PRELID2: variants seen among roughly 807,000 people sequenced by gnomAD.
PRELID2 encodes PRELI domain containing 2, also known as PRELI domain-containing protein 2.
PRELID2 carries 25 observed loss-of-function variants against 28.4 expected under a neutral mutation model. The observed-to-expected ratio is 0.88, with a 90% confidence interval of 0.64 to 1.23. The LOEUF (loss-of-function observed/expected upper bound fraction) is 1.23, where lower values mean the gene tolerates loss of function less well. Among genes scored for constraint, PRELID2 ranks in the 50% most tolerant of loss-of-function variants. PRELID2 has a pLI of 0.00. For missense variants in PRELID2, 201 were observed against 214.4 expected (o/e 0.94, Z 0.39); for synonymous variants, 76 against 71.6 (o/e 1.06, Z -0.31).
intron 3 of PRELID2, chr5:145,819,511 A>G: frequency 1.4e-6 from 1 of 731,290 alleles, no homozygotes; most frequent in Non-Finnish European, 2.3e-6. Context: ...GGGTGTGGAG[A>G]ACCTTATACT....
At chr5:145,785,989 C>G (rs1223815583) in intron 5 of PRELID2, among the ~76,000 whole-genome samples, 2 of 152,218 alleles carry the variant, frequency 1.3e-5, no homozygotes, top group African/African-American at 4.8e-5. Flanking sequence ...GGCCTGAGCA[C>G]CCAAAAGGAT....
intron 5 of PRELID2, among the ~76,000 whole-genome samples, chr5:145,769,116 G>T (rs1404625728): frequency 6.6e-6 from 1 of 152,176 alleles, no homozygotes; most frequent in Non-Finnish European, 1.5e-5. Context: ...ACACAATGAT[G>T]CCTGAAATGC....
chr5:145,243,568 C>T, the PRELID2 span, among the ~76,000 whole-genome samples: 2 of 152,128 alleles, frequency 1.3e-5, no homozygotes, highest in African/African-American at 4.8e-5. Flanking sequence ...TGTTTGGTTA[C>T]ATCATCTTTC....
intron 1 of PRELID2, among the ~76,000 whole-genome samples, chr5:145,628,063 G>C (rs1581012281): frequency 6.6e-6 from 1 of 151,952 alleles, no homozygotes; most frequent in Non-Finnish European, 1.5e-5. Context: ...AAGAATTTTG[G>C]GAATATTTTA....
At chr5:145,735,090 C>A (rs1756456910) in intron 1 of PRELID2, among the ~76,000 whole-genome samples, 1 of 151,384 alleles carries the variant, frequency 6.6e-6, no homozygotes, top group Non-Finnish European at 1.5e-5. Flanking sequence ...ACTAAAAATA[C>A]AAAAATTAGC....
At chr5:145,562,147 T>C (rs1580978306) in intron 1 of PRELID2, among the ~76,000 whole-genome samples, 1 of 152,224 alleles carries the variant, frequency 6.6e-6, no homozygotes, top group African/African-American at 2.4e-5. Flanking sequence ...TGGCAAAAGA[T>C]GGCTTGTGGC....
At chr5:145,496,524 A>G (rs1210941923) in intron 1 of PRELID2, among the ~76,000 whole-genome samples, 2 of 152,190 alleles carry the variant, frequency 1.3e-5, no homozygotes, top group Non-Finnish European at 2.9e-5. Context: ...CCAGCAAGTT[A>G]GGAGGAAAAA....
At chr5:145,292,203 T>C in the PRELID2 span, among the ~76,000 whole-genome samples, 1 of 152,144 alleles carries the variant, frequency 6.6e-6, no homozygotes, top group Non-Finnish European at 1.5e-5. Flanking sequence ...ATAAACTCCC[T>C]TTCGAGTCAC....
chr5:145,264,459 C>A, the PRELID2 span, among the ~76,000 whole-genome samples: 1 of 151,996 alleles, frequency 6.6e-6, no homozygotes, highest in Non-Finnish European at 1.5e-5. Flanking sequence ...ATGACTCAAA[C>A]CCTCCACAAA....
chr5:145,476,196 A>G (rs192366103), intron 1 of PRELID2, among the ~76,000 whole-genome samples: 29 of 152,344 alleles, frequency 1.9e-4, no homozygotes, highest in Admixed American at 9.2e-4. Context: ...CACTGGGGGT[A>G]AGGTCTAGAT....
At position 145,693,074 on chromosome 5, in the gene PRELID2, A is replaced by C. The variant is rs190977681; in HGVS notation, n.70+71857T>G. Among the ~76,000 whole-genome samples the C allele has an allele frequency of 2.0e-5, 3 of 152,290 alleles. No homozygotes were observed. The East Asian group carries it at 5.8e-4, about 29-fold the overall frequency. ...GAACTAAAAAATTATGCACTTTTAA[A>C]AATTGTTCCTCATAAATTCCTTAAA... is the stretch of plus-strand genomic sequence containing the variant. On this transcript the variant is annotated intron_variant and non_coding_transcript_variant, in intron 1 of 2. Transcript: ENST00000510259.
At chr5:145,364,113 T>C in the PRELID2 span, among the ~76,000 whole-genome samples, 1 of 151,934 alleles carries the variant, frequency 6.6e-6, no homozygotes, top group Non-Finnish European at 1.5e-5. Context: ...TTTAAATTAA[T>C]GGGTTATCAG....
rs781634184 is a variant in PRELID2, at chr5:145,826,941, T to G, written c.76-3807A>C. Among the ~76,000 whole-genome samples the G allele has an allele frequency of 3.9e-5, 6 of 152,030 alleles. 1 individual carries two copies. Among genetic ancestry groups the G allele is most frequent in the Admixed American group, 1.3e-4 (2 of 15,264 alleles). On this transcript the variant is annotated intron_variant, in intron 1 of 6. Transcript: ENST00000683046. ...ACTTTCCAAAAAGCTCAAAAGCCAA[T>G]GCCTTTTTTTAATAACATTTGCTTC...
intron 1 of PRELID2, among the ~76,000 whole-genome samples, chr5:145,742,244 T>C (rs1581128204): frequency 1.4e-5 from 2 of 140,978 alleles, no homozygotes; most frequent in South Asian, 4.2e-4. Flanking sequence ...AATATATTTT[T>C]ATATAAATAA....
At chr5:145,429,593 T>G in the PRELID2 span, among the ~76,000 whole-genome samples, 4 of 152,292 alleles carry the variant, frequency 2.6e-5, no homozygotes, top group Non-Finnish European at 4.4e-5. Context: ...AGGTAGGTCA[T>G]GTAGACAGGG....
intron 1 of PRELID2, among the ~76,000 whole-genome samples, chr5:145,569,329 A>G (rs967542211): frequency 6.6e-6 from 1 of 152,148 alleles, no homozygotes; most frequent in African/African-American, 2.4e-5. Context: ...CTAAACTTAA[A>G]CTATTTTTAA....
chr5:145,435,202 G>T, the PRELID2 span, among the ~76,000 whole-genome samples: 1 of 152,164 alleles, frequency 6.6e-6, no homozygotes, highest in Non-Finnish European at 1.5e-5. Flanking sequence ...ATTTTAGAGA[G>T]TGACAAATGC....
chr5:145,571,298 TAA>T (rs1753013196), intron 1 of PRELID2, among the ~76,000 whole-genome samples: 1 of 152,154 alleles, frequency 6.6e-6, no homozygotes, highest in African/African-American at 2.4e-5. Flanking sequence ...ATTCCAAAGT[TAA>T]CCTGAAAAAT....
chr5:145,803,437 C>A (rs1753276418), intron 4 of PRELID2, among the ~76,000 whole-genome samples: 1 of 151,944 alleles, frequency 6.6e-6, no homozygotes, highest in Admixed American at 6.6e-5. Flanking sequence ...CATATACATG[C>A]CTTTAAGACA....
Sources: allele counts gnomAD v4.1 joint callset (sites outside exome capture counted in the v4.1 genomes callset), GRCh38; gene constraint gnomAD v4.1.1; transcripts MANE v1.5; gene names NCBI Gene and HGNC (gene_info 2026-07-23, HGNC 2026-07-21).